FAM227B: variants seen among roughly 807,000 people sequenced by gnomAD.
The protein encoded by FAM227B is protein FAM227B.
A neutral mutation model predicts 73.8 loss-of-function variants in FAM227B; 88 were observed. The ratio of observed to expected loss-of-function variants is 1.19; its 90% CI spans 1.00 to 1.42. FAM227B has a LOEUF of 1.42. Ranked by LOEUF, FAM227B falls within the 40% of genes most tolerant of loss-of-function variation. The pLI is 0.00. For synonymous variants in FAM227B, 210 were observed against 190.5 expected (o/e 1.10, Z -0.84); for missense variants, 632 against 590.9 (o/e 1.07, Z -0.72).
chr15:49,363,595 C>A (rs1426636370), intron 13 of FAM227B, among the ~76,000 whole-genome samples: 1 of 152,136 alleles, frequency 6.6e-6, no homozygotes, highest in Non-Finnish European at 1.5e-5. Flanking sequence ...TTCCTCTGTT[C>A]TTATTTGAAT....
intron 11 of FAM227B, among the ~76,000 whole-genome samples, chr15:49,432,606 G>C (rs1048452123): frequency 6.6e-6 from 1 of 151,462 alleles, no homozygotes; most frequent in African/African-American, 2.4e-5. Flanking sequence ...GTGTTGTCAA[G>C]AACTAAACGA....
At chr15:49,414,391 A>C (rs1376150288) in intron 11 of FAM227B, among the ~76,000 whole-genome samples, 1 of 111,328 alleles carries the variant, frequency 9.0e-6, no homozygotes, top group Non-Finnish European at 1.8e-5. Context: ...CAAGAGGTGA[A>C]GTGTGTGGGG....
intron 3 of FAM227B, among the ~76,000 whole-genome samples, chr15:49,592,534 T>C (rs1254092436): frequency 6.6e-6 from 1 of 152,174 alleles, no homozygotes; most frequent in African/African-American, 2.4e-5. Context: ...CAGAAAATAT[T>C]GTTGTCTGAT....
At chr15:49,558,761 G>C (rs1395895431) in intron 9 of FAM227B, among the ~76,000 whole-genome samples, 1 of 152,086 alleles carries the variant, frequency 6.6e-6, no homozygotes, top group African/African-American at 2.4e-5. Flanking sequence ...CATACCCATT[G>C]CTCTGCAAGC....
chr15:49,584,613 C>T (rs2076031282), intron 5 of FAM227B, among the ~76,000 whole-genome samples: 1 of 151,968 alleles, frequency 6.6e-6, no homozygotes, highest in Admixed American at 6.6e-5. Context: ...ACCTAGAAAC[C>T]CTATAGTCTC....
At chr15:49,575,171 G>A in intron 7 of FAM227B, 62 bp from the exon 8 acceptor site, 1 of 896,206 alleles carries the variant, frequency 1.1e-6, no homozygotes, top group Non-Finnish European at 1.8e-6. Flanking sequence ...ACATGTTAAT[G>A]TAAATAGGCT....
chr15:49,444,907 T>C (rs1228657093), intron 11 of FAM227B, among the ~76,000 whole-genome samples: 2 of 151,670 alleles, frequency 1.3e-5, no homozygotes, highest in African/African-American at 4.8e-5. Flanking sequence ...CATCTCAGAA[T>C]ACTGGTAATT....
At chr15:49,425,681 T>C (rs2050064161) in intron 11 of FAM227B, among the ~76,000 whole-genome samples, 1 of 151,928 alleles carries the variant, frequency 6.6e-6, no homozygotes, top group South Asian at 2.1e-4. Flanking sequence ...TCTGAACTAA[T>C]CAACCAATCA....
In FAM227B at chr15:49,443,293, T is replaced by C. The variant is rs2051851748; in HGVS notation, c.1012+64918A>G. Among the ~76,000 whole-genome samples, 5 of 151,736 alleles carry C rather than the reference T, an allele frequency of 3.3e-5. 1 individual carries two copies. The South Asian group carries it at 1.0e-3, about 31-fold the overall frequency. On this transcript the variant is annotated intron_variant, in intron 11 of 15. Transcript: ENST00000299338. ...TACTGAATTTCTTTACTATTATATA[T>C]GTTTTTGAGGTTATTTCTAATGTAT...
chr15:49,435,677 A>T (rs188875735), intron 11 of FAM227B, among the ~76,000 whole-genome samples: 31 of 151,690 alleles, frequency 2.0e-4, no homozygotes, highest in Admixed American at 1.8e-3. Flanking sequence ...GATATTGAAT[A>T]ATAATAGATA....
At chr15:49,508,770 G>T (rs2058764228) in intron 10 of FAM227B, among the ~76,000 whole-genome samples, 1 of 152,166 alleles carries the variant, frequency 6.6e-6, no homozygotes, top group Non-Finnish European at 1.5e-5. Context: ...TTTAGATACA[G>T]TTATCACTTA....
chr15:49,597,222 CACAAA>C (rs1327070500), intron 3 of FAM227B, among the ~76,000 whole-genome samples: 2 of 151,928 alleles, frequency 1.3e-5, no homozygotes, highest in East Asian at 1.9e-4. Context: ...TGTGACAGGC[CACAAA>C]ACAAGTCTCA....
chr15:49,506,581 A>G (rs1346803897), intron 11 of FAM227B, among the ~76,000 whole-genome samples: 1 of 152,074 alleles, frequency 6.6e-6, no homozygotes, highest in Non-Finnish European at 1.5e-5. Context: ...GCAAAAGATC[A>G]TACAGAGTAT....
intron 13 of FAM227B, chr15:49,353,953 A>G (rs2042645563): frequency 1.3e-5 from 2 of 151,050 alleles, no homozygotes; most frequent in Admixed American, 1.3e-4. Context: ...GGTTAATGGG[A>G]AAAATGTGTG....
At chr15:49,451,952 C>G (rs2052789054) in intron 11 of FAM227B, among the ~76,000 whole-genome samples, 1 of 151,966 alleles carries the variant, frequency 6.6e-6, no homozygotes, top group African/African-American at 2.4e-5. Context: ...TGTTTAATAA[C>G]TAGTGAAAAA....
At chr15:49,609,803 C>G (rs1350910865) in intron 3 of FAM227B, among the ~76,000 whole-genome samples, 8 of 151,774 alleles carry the variant, frequency 5.3e-5, no homozygotes. Context: ...AAAATAACTA[C>G]AGAATATGGG....
At chr15:49,369,919 T>C (rs2045696020) in intron 12 of FAM227B, among the ~76,000 whole-genome samples, 1 of 152,220 alleles carries the variant, frequency 6.6e-6, no homozygotes, top group Non-Finnish European at 1.5e-5. Flanking sequence ...GCAATATGAT[T>C]TCAGAGCTCT....
At chr15:49,509,371 T>C (rs1368324304) in intron 10 of FAM227B, among the ~76,000 whole-genome samples, 1 of 152,084 alleles carries the variant, frequency 6.6e-6, no homozygotes, top group Admixed American at 6.6e-5. Flanking sequence ...GAAAATAAAA[T>C]ACATGGTTAA....
In FAM227B at chr15:49,358,969, G is replaced by C. The variant is rs895488896; in HGVS notation, c.1271+8479C>G. 2.2e-4 allele frequency among the ~76,000 whole-genome samples: 33 copies of C among 149,686 alleles called. No homozygotes were observed. In the South Asian group the frequency reaches 4.5e-3, roughly 20 times the overall value. ...ACTATCTGATCTTTGACAAACCTGA[G>C]AAAAACAAGCAATGGGGAAAGGATT... On this transcript the variant is annotated intron_variant, in intron 13 of 15. Coordinates refer to ENST00000299338, the MANE Select transcript of FAM227B (RefSeq NM_152647.3).
Sources: allele counts gnomAD v4.1 joint callset (sites outside exome capture counted in the v4.1 genomes callset), GRCh38; gene constraint gnomAD v4.1.1; transcripts MANE v1.5; gene names NCBI Gene and HGNC (gene_info 2026-07-23, HGNC 2026-07-21).